The following CRPPA variants were observed in gnomAD, a reference collection of about 807,000 sequenced individuals.
The protein encoded by CRPPA is D-ribitol-5-phosphate cytidylyltransferase.
Under a neutral mutation model 52.0 loss-of-function variants are expected in CRPPA, and 43 were observed. That is an observed-to-expected ratio of 0.83 (90% CI 0.65 to 1.07). The LOEUF is 1.07. CRPPA is among the 50% of genes least tolerant of loss of function. The pLI is 0.00. For synonymous variants in CRPPA, 250 were observed against 203.5 expected (o/e 1.23, Z -1.94); for missense variants, 629 against 551.7 (o/e 1.14, Z -1.40).
chr7:16,101,275 T>C (rs1201785936), intron 9 of CRPPA, among the ~76,000 whole-genome samples: 1 of 152,216 alleles, frequency 6.6e-6, no homozygotes, highest in Non-Finnish European at 1.5e-5. Flanking sequence ...TGTGAATCTG[T>C]CTGGTCCTGG....
At chr7:16,168,535 A>G (rs943013660) in intron 9 of CRPPA, among the ~76,000 whole-genome samples, 2 of 2,678 alleles carry the variant, frequency 7.5e-4, no homozygotes, top group African/African-American at 1.7e-3. Flanking sequence ...GTGAAGTAAA[A>G]CACACACACA....
chr7:16,151,709 AT>A (rs1423597611), intron 9 of CRPPA, among the ~76,000 whole-genome samples: 1 of 152,084 alleles, frequency 6.6e-6, no homozygotes, highest in Non-Finnish European at 1.5e-5. Context: ...AATTGAAAAA[AT>A]ATTGTACATA....
intron 9 of CRPPA, among the ~76,000 whole-genome samples, chr7:16,180,573 T>C (rs1781391951): frequency 6.6e-6 from 1 of 152,050 alleles, no homozygotes; most frequent in South Asian, 2.1e-4. Flanking sequence ...AAGCATTATG[T>C]TGTTCATTAA....
At chr7:16,223,727 G>C (rs780724500) in intron 8 of CRPPA, among the ~76,000 whole-genome samples, 2 of 152,122 alleles carry the variant, frequency 1.3e-5, no homozygotes, top group Non-Finnish European at 2.9e-5. Context: ...CCACAGCAGA[G>C]GGTTGCAAAA....
chr7:16,195,623 C>T (rs1319748366), intron 9 of CRPPA, among the ~76,000 whole-genome samples: 1 of 152,078 alleles, frequency 6.6e-6, no homozygotes, highest in African/African-American at 2.4e-5. Flanking sequence ...ACTTTAATAC[C>T]TTCCTCCCCA....
chr7:16,115,033 T>C (rs982514572), intron 9 of CRPPA, among the ~76,000 whole-genome samples: 16 of 152,076 alleles, frequency 1.1e-4, no homozygotes, highest in Non-Finnish European at 2.1e-4. Flanking sequence ...TTCAAAACTA[T>C]GTTAATGTTT....
chr7:16,116,675 A>AGGAAAGGGAAGGGAAG (rs1554272754), intron 9 of CRPPA, among the ~76,000 whole-genome samples: 4 of 96,618 alleles, frequency 4.1e-5, no homozygotes, highest in Non-Finnish European at 8.2e-5. Flanking sequence ...AAAAAAAAAA[A>AGGAAAGGGAAGGGAAG]GGAAAGGAAA....
chr7:16,118,521 TAC>T (rs1297103066), intron 9 of CRPPA, among the ~76,000 whole-genome samples: 2 of 152,172 alleles, frequency 1.3e-5, no homozygotes, highest in Non-Finnish European at 2.9e-5. Flanking sequence ...TAAAAGAAAG[TAC>T]AGAGGCACAA....
intron 2 of CRPPA, among the ~76,000 whole-genome samples, chr7:16,388,443 A>T (rs944694710): frequency 6.6e-6 from 1 of 152,250 alleles, no homozygotes; most frequent in African/African-American, 2.4e-5. Flanking sequence ...CTATATAAAA[A>T]GATTCTAGAC....
At chr7:16,229,382 A>G (rs1030760349) in intron 8 of CRPPA, among the ~76,000 whole-genome samples, 1 of 151,904 alleles carries the variant, frequency 6.6e-6, no homozygotes, top group Non-Finnish European at 1.5e-5. Flanking sequence ...CTTTGTGGCC[A>G]AGTAAATTTT....
chr7:16,238,375 T>C (rs553823358), intron 8 of CRPPA, among the ~76,000 whole-genome samples: 1 of 152,246 alleles, frequency 6.6e-6, no homozygotes, highest in East Asian at 1.9e-4. Flanking sequence ...GCTAACTGGA[T>C]AGTATATATA....
At chr7:16,309,775 T>C (rs1206080227) in intron 3 of CRPPA, among the ~76,000 whole-genome samples, 1 of 152,062 alleles carries the variant, frequency 6.6e-6, no homozygotes, top group East Asian at 1.9e-4. Context: ...TTATTATCCT[T>C]ACATGGAAGC....
At chr7:16,284,076 T>G (rs1280877312) in intron 5 of CRPPA, among the ~76,000 whole-genome samples, 2 of 152,076 alleles carry the variant, frequency 1.3e-5, no homozygotes, top group African/African-American at 4.8e-5. Context: ...TTTTCTTTTC[T>G]TTTCTTTTTT....
chr7:16,100,192 C>T (rs1782013699), intron 9 of CRPPA, among the ~76,000 whole-genome samples: 1 of 152,168 alleles, frequency 6.6e-6, no homozygotes, highest in Admixed American at 6.6e-5. Flanking sequence ...TTTCTGCCCC[C>T]AGAAAAATGG....
chr7:16,278,022 C>T, intron 6 of CRPPA, 107 bp downstream of exon 6: 1 of 679,280 alleles, frequency 1.5e-6, no homozygotes, highest in East Asian at 2.7e-5. Flanking sequence ...ATAATAAGAA[C>T]ATTATGATTA....
At chr7:16,178,860 T>C (rs1781355582) in intron 9 of CRPPA, among the ~76,000 whole-genome samples, 1 of 152,134 alleles carries the variant, frequency 6.6e-6, no homozygotes, top group Non-Finnish European at 1.5e-5. Context: ...ATTATGTTCC[T>C]ATCCCTGTGT....
At chr7:16,416,538 C>G (rs1044866076) in intron 1 of CRPPA, among the ~76,000 whole-genome samples, 2 of 152,156 alleles carry the variant, frequency 1.3e-5, no homozygotes, top group Admixed American at 1.3e-4. Context: ...TTAAACTAAA[C>G]AGCTTCTGCA....
At chr7:16,224,150 G>A (rs779983753) in intron 8 of CRPPA, among the ~76,000 whole-genome samples, 7 of 152,110 alleles carry the variant, frequency 4.6e-5, no homozygotes, top group Non-Finnish European at 7.4e-5. Context: ...TCCGGCTCTC[G>A]GTGTTTGGAA....
chr7:16,288,422 C>T (rs1289600554), intron 5 of CRPPA, among the ~76,000 whole-genome samples: 1 of 151,490 alleles, frequency 6.6e-6, no homozygotes, highest in African/African-American at 2.4e-5. Flanking sequence ...ATATCTTTAA[C>T]ATAGTGTAAT....
Sources: allele counts gnomAD v4.1 joint callset (sites outside exome capture counted in the v4.1 genomes callset), GRCh38; gene constraint gnomAD v4.1.1; transcripts MANE v1.5; gene names NCBI Gene and HGNC (gene_info 2026-07-23, HGNC 2026-07-21).